Variants in TOX2 observed in about 807,000 individuals in gnomAD.
TOX2 encodes TOX high mobility group box family member 2.
Under a neutral mutation model 47.4 loss-of-function variants are expected in TOX2, and 15 were observed. That is an observed-to-expected ratio of 0.32 (90% CI 0.21 to 0.49). The LOEUF (loss-of-function observed/expected upper bound fraction) is 0.49. Among genes scored for constraint, TOX2 ranks in the 20% least tolerant of loss-of-function variants. TOX2 has a pLI of 0.99. For missense variants in TOX2, 622 were observed against 673.1 expected (o/e 0.92, Z 0.84); for synonymous variants, 290 against 296.6 (o/e 0.98, Z 0.23).
At chr20:43,954,939 G>A (rs192755693) in intron 1 of TOX2, among the ~76,000 whole-genome samples, 6 of 152,294 alleles carry the variant, frequency 3.9e-5, no homozygotes, top group Admixed American at 3.9e-4. Flanking sequence ...TCTAGCACGT[G>A]ACTCCTGGTG....
rs529430389 is a variant in TOX2, at chr20:44,065,009, C to T, written c.960+152C>T. ...GGTCATGTCTGCAGGGCACCTACAG[C>T]ATGCCAGGCTCATTCTGGGCACTTT... On this transcript the variant is annotated intron_variant, in intron 6 of 8. Coordinates refer to ENST00000341197, the MANE Select transcript of TOX2 (RefSeq NM_001098797.2). 6.6e-5 allele frequency: 43 copies of T among 651,416 alleles called. No individual in the cohort carries two copies. The African/African-American group carries it at 6.9e-4, about 10-fold the overall frequency. 40.4% of individuals were successfully genotyped at this position (651,416 alleles called of 1,614,324 possible). A position where few individuals can be genotyped will look rare whatever the true frequency, so the allele number is the denominator to read the frequency against.
intron 1 of TOX2, among the ~76,000 whole-genome samples, chr20:43,962,525 C>G (rs1250909270): frequency 6.6e-6 from 1 of 152,246 alleles, no homozygotes; most frequent in African/African-American, 2.4e-5. Context: ...GGGCAGAGCC[C>G]TAGACTGGGA....
chr20:44,063,575 A>C (rs1160443385), intron 5 of TOX2, among the ~76,000 whole-genome samples: 1 of 152,212 alleles, frequency 6.6e-6, no homozygotes, highest in African/African-American at 2.4e-5. Flanking sequence ...AAGTAGATCT[A>C]CTGTTTGACC....
chr20:44,011,929 G>T (rs565680751), intron 3 of TOX2, among the ~76,000 whole-genome samples: 3 of 152,330 alleles, frequency 2.0e-5, no homozygotes, highest in Non-Finnish European at 1.5e-5. Flanking sequence ...TACAGTATTG[G>T]AATCGAACCC....
At chr20:43,963,662 G>A (rs188237850) in intron 1 of TOX2, among the ~76,000 whole-genome samples, 1 of 152,308 alleles carries the variant, frequency 6.6e-6, no homozygotes, top group Admixed American at 6.5e-5. Flanking sequence ...GCCCAGCAAA[G>A]CAGGCACACC....
At chr20:43,943,055 C>T (rs903768123) in intron 1 of TOX2, among the ~76,000 whole-genome samples, 1 of 152,100 alleles carries the variant, frequency 6.6e-6, no homozygotes, top group Non-Finnish European at 1.5e-5. Flanking sequence ...ACCTGGAATC[C>T]GGTCTCACAG....
intron 3 of TOX2, among the ~76,000 whole-genome samples, chr20:44,031,395 G>A (rs567903033): frequency 3.9e-5 from 6 of 152,216 alleles, no homozygotes; most frequent in African/African-American, 1.2e-4. Flanking sequence ...CGCTGCATTT[G>A]TCAAGTGGGT....
intron 1 of TOX2, among the ~76,000 whole-genome samples, chr20:43,971,864 ACT>A (rs1025012803): frequency 3.9e-5 from 6 of 152,168 alleles, no homozygotes; most frequent in African/African-American, 1.2e-4. Context: ...AGAATAAATG[ACT>A]CTAAAATGTG....
intron 2 of TOX2, among the ~76,000 whole-genome samples, chr20:43,998,821 A>G (rs2070527218): frequency 6.6e-6 from 1 of 152,128 alleles, no homozygotes; most frequent in East Asian, 1.9e-4. Flanking sequence ...GGGCAGTGGC[A>G]CAATCTCAGC....
At chr20:43,990,757 T>C (rs1315921817) in intron 2 of TOX2, among the ~76,000 whole-genome samples, 1 of 152,220 alleles carries the variant, frequency 6.6e-6, no homozygotes, top group Admixed American at 6.5e-5. Context: ...CTAGGGGACT[T>C]CACTGCTCAG....
chr20:44,034,157 A>G (rs945324175), intron 3 of TOX2, among the ~76,000 whole-genome samples: 1 of 151,970 alleles, frequency 6.6e-6, no homozygotes, highest in African/African-American at 2.4e-5. Context: ...CCCATGCCTC[A>G]GTGCCTTTGC....
At chr20:43,978,201 C>T (rs932985320) in intron 2 of TOX2, among the ~76,000 whole-genome samples, 12 of 152,158 alleles carry the variant, frequency 7.9e-5, no homozygotes, top group African/African-American at 2.9e-4. Flanking sequence ...ACTGTGAACC[C>T]AGGAGAGGAT....
chr20:43,991,855 G>A (rs187890008), intron 2 of TOX2, among the ~76,000 whole-genome samples: 3 of 152,178 alleles, frequency 2.0e-5, no homozygotes, highest in East Asian at 1.9e-4. Flanking sequence ...TGTTGGCAAC[G>A]CTGGTCTTGA....
intron 2 of TOX2, among the ~76,000 whole-genome samples, chr20:43,992,818 T>C (rs1012893131): frequency 1.1e-4 from 15 of 131,768 alleles, no homozygotes; most frequent in Non-Finnish European, 2.4e-4. Context: ...ATGCTGGTTT[T>C]AGAACATGAA....
At chr20:44,054,570 G>A (rs779665607) in intron 5 of TOX2, 44 bp downstream of exon 5, 1 of 1,581,464 alleles carries the variant, frequency 6.3e-7, no homozygotes, top group East Asian at 2.3e-5. Flanking sequence ...AGGCTTTGTG[G>A]TCCTGGAACC....
intron 2 of TOX2, among the ~76,000 whole-genome samples, chr20:44,004,108 A>AG (rs2070635790): frequency 6.6e-6 from 1 of 152,196 alleles, no homozygotes; most frequent in African/African-American, 2.4e-5. Flanking sequence ...GAGAGATGTC[A>AG]GGGGGTGAGT....
chr20:43,972,746 A>G (rs1055197256), intron 1 of TOX2, among the ~76,000 whole-genome samples: 2 of 152,232 alleles, frequency 1.3e-5, no homozygotes, highest in Admixed American at 6.5e-5. Context: ...AGGCAGATTT[A>G]CAGGGAAATC....
intron 8 of TOX2, 122 bp downstream of exon 8, chr20:44,066,979 G>T (rs2071835343): frequency 2.2e-6 from 3 of 1,386,514 alleles, no homozygotes; most frequent in African/African-American, 1.4e-5. Context: ...GTCACTGTCA[G>T]CCCTGCTGAG....
intron 3 of TOX2, among the ~76,000 whole-genome samples, chr20:44,047,484 T>A (rs1261837145): frequency 2.7e-4 from 1 of 3,650 alleles, no homozygotes; most frequent in Non-Finnish European, 3.7e-4. Context: ...GTCAAATTTT[T>A]TTAACATCTG....
Sources: allele counts gnomAD v4.1 joint callset (sites outside exome capture counted in the v4.1 genomes callset), GRCh38; gene constraint gnomAD v4.1.1; transcripts MANE v1.5; gene names NCBI Gene and HGNC (gene_info 2026-07-23, HGNC 2026-07-21).